Variants in TEAD1 observed in about 807,000 individuals in gnomAD.
The protein encoded by TEAD1 is TEA domain transcription factor 1, also known as transcriptional enhancer factor TEF-1.
In TEAD1, 9 loss-of-function variants were observed where a neutral mutation model predicts 54.9. That is an observed-to-expected ratio of 0.16 (90% CI 0.10 to 0.29). TEAD1 has a LOEUF of 0.29. TEAD1 is among the 10% of genes least tolerant of loss of function. TEAD1 has a pLI of 1.00. For missense variants in TEAD1, 387 were observed against 535.9 expected, an observed-to-expected ratio of 0.72 and a Z score of 2.74; for synonymous variants, 200 against 187.8, an observed-to-expected ratio of 1.07 and a Z score of -0.53.
intron 2 of TEAD1, among the ~76,000 whole-genome samples, chr11:12,721,853 T>G (rs1249596463): frequency 6.6e-6 from 1 of 152,218 alleles, no homozygotes; most frequent in African/African-American, 2.4e-5. Context: ...GGTTTTCCTG[T>G]TGATAGGACA....
chr11:12,677,567 A>G (rs1409687816), intron 2 of TEAD1, among the ~76,000 whole-genome samples: 1 of 152,184 alleles, frequency 6.6e-6, no homozygotes, highest in East Asian at 1.9e-4. Flanking sequence ...TTTATAAACA[A>G]TTTTGTGTTT....
intron 2 of TEAD1, among the ~76,000 whole-genome samples, chr11:12,679,808 T>C (rs1286815126): frequency 6.6e-6 from 1 of 152,188 alleles, no homozygotes; most frequent in African/African-American, 2.4e-5. Context: ...AAGAATGTTG[T>C]CTGCTTAGGT....
chr11:12,867,740 T>G (rs1450285800), intron 5 of TEAD1, among the ~76,000 whole-genome samples: 1 of 152,190 alleles, frequency 6.6e-6, no homozygotes, highest in Non-Finnish European at 1.5e-5. Flanking sequence ...AGCCATGGTC[T>G]TCTTGGCCTC....
intron 2 of TEAD1, among the ~76,000 whole-genome samples, chr11:12,688,481 C>T (rs925415178): frequency 9.2e-5 from 14 of 152,186 alleles, no homozygotes; most frequent in South Asian, 2.1e-4. Context: ...TGACTTTCCC[C>T]GCTTCCCAAC....
chr11:12,907,145 A>G (rs1161043822), intron 10 of TEAD1, among the ~76,000 whole-genome samples: 2 of 152,090 alleles, frequency 1.3e-5, no homozygotes, highest in African/African-American at 4.8e-5. Context: ...CTTCTCCTTC[A>G]GCCATTATGT....
At chr11:12,893,431 T>C (rs959451551) in intron 9 of TEAD1, among the ~76,000 whole-genome samples, 8 of 152,156 alleles carry the variant, frequency 5.3e-5, no homozygotes, top group African/African-American at 1.9e-4. Context: ...ACTGTGTTTC[T>C]AAGATGCTCT....
rs1045749099 is a variant in TEAD1 at position 12,759,135 on chromosome 11, A to C, written c.-54-5044A>C. Among the ~76,000 whole-genome samples, 14 of 152,148 alleles carry C rather than the reference A, an allele frequency of 9.2e-5. No individual in the cohort carries two copies. In the South Asian group the frequency reaches 1.0e-3, roughly 11 times the overall value. On this transcript the variant is annotated intron_variant, in intron 2 of 12. Transcript: ENST00000527636. ...CAACCCTTTTACTTAAGAGCCTTTA[A>C]ATAATCTGAAGATGGGTGAGAAACT...
At chr11:12,761,499 C>T (rs78966214) in intron 2 of TEAD1, among the ~76,000 whole-genome samples, 9,720 of 152,168 alleles carry the variant, frequency 0.064, 994 homozygotes, top group African/African-American at 0.22. Flanking sequence ...TAAATACAAA[C>T]GCCTGCTTTT....
chr11:12,879,914 C>T, intron 6 of TEAD1, 72 bp downstream of exon 6: 1 of 1,603,646 alleles, frequency 6.2e-7, no homozygotes, highest in Non-Finnish European at 8.5e-7. Context: ...GTTAAGCCTC[C>T]CACCTCCATT....
chr11:12,777,256 G>A (rs1192910478), intron 3 of TEAD1, among the ~76,000 whole-genome samples: 1 of 152,056 alleles, frequency 6.6e-6, no homozygotes, highest in Non-Finnish European at 1.5e-5. Flanking sequence ...CGCCTTTGGG[G>A]GAAATATTTG....
At chr11:12,798,745 G>A (rs1945989102) in intron 3 of TEAD1, among the ~76,000 whole-genome samples, 1 of 152,218 alleles carries the variant, frequency 6.6e-6, no homozygotes, top group African/African-American at 2.4e-5. Context: ...TTCCTTCCAT[G>A]GTACAAATGT....
At chr11:12,920,722 T>G (rs1448288746) in intron 10 of TEAD1, among the ~76,000 whole-genome samples, 1 of 152,228 alleles carries the variant, frequency 6.6e-6, no homozygotes, top group African/African-American at 2.4e-5. Context: ...TTACAGTGTA[T>G]TCATAGCACA....
rs35934347 is a variant in TEAD1 at position 12,928,283 on chromosome 11, CT to C, written c.1015-1876del. 1.5e-3 allele frequency among the ~76,000 whole-genome samples: 200 copies of C among 135,472 alleles called. 1 individual carries two copies. Among genetic ancestry groups the C allele is most frequent in the Middle Eastern group, 3.9e-3 (1 of 258 alleles). The allele number at this position is 135,472 out of a possible 152,430, so 88.9% of individuals were successfully genotyped here. On this transcript the variant is annotated intron_variant, in intron 11 of 12. Coordinates refer to ENST00000527636, the MANE Select transcript of TEAD1 (RefSeq NM_021961.6). ...TATTCGTCTATACTTTTTTCTTTTC[CT>C]TTTTTTTTTTTTTTGAGATGGGGTC...
chr11:12,918,206 A>T (rs1289944922), intron 10 of TEAD1, among the ~76,000 whole-genome samples: 2 of 151,988 alleles, frequency 1.3e-5, no homozygotes, highest in Admixed American at 1.3e-4. Context: ...TTTGTTGTTG[A>T]CTTAATGCTA....
chr11:12,811,555 G>C (rs537981299), intron 3 of TEAD1, among the ~76,000 whole-genome samples: 1 of 152,126 alleles, frequency 6.6e-6, no homozygotes. Flanking sequence ...GTGAGGGTTC[G>C]GCATTAGCAT....
At chr11:12,716,991 C>T (rs1167250233) in intron 2 of TEAD1, among the ~76,000 whole-genome samples, 1 of 152,212 alleles carries the variant, frequency 6.6e-6, no homozygotes, top group Non-Finnish European at 1.5e-5. Flanking sequence ...AAGTAGTGGG[C>T]TTGGCCTCTC....
At chr11:12,863,100 G>A (rs779239569) in intron 4 of TEAD1, among the ~76,000 whole-genome samples, 7 of 152,296 alleles carry the variant, frequency 4.6e-5, no homozygotes, top group Non-Finnish European at 1.0e-4. Flanking sequence ...GTCGATTTAT[G>A]CTGAATGATA....
intron 1 of TEAD1, among the ~76,000 whole-genome samples, chr11:12,675,119 C>A (rs1468054802): frequency 1.4e-5 from 2 of 147,864 alleles, no homozygotes; most frequent in African/African-American, 4.9e-5. Flanking sequence ...CGCGCCGCGC[C>A]CCCCGCGCGC....
At chr11:12,740,988 T>G (rs1435634698) in intron 2 of TEAD1, among the ~76,000 whole-genome samples, 1 of 151,954 alleles carries the variant, frequency 6.6e-6, no homozygotes, top group Admixed American at 6.5e-5. Flanking sequence ...ATTGGAATCC[T>G]TTCTTAAAAA....
Sources: allele counts gnomAD v4.1 joint callset (sites outside exome capture counted in the v4.1 genomes callset), GRCh38; gene constraint gnomAD v4.1.1; transcripts MANE v1.5; gene names NCBI Gene and HGNC (gene_info 2026-07-23, HGNC 2026-07-21).